The following CACNA2D3 variants were observed in gnomAD, a reference collection of about 807,000 sequenced individuals.
CACNA2D3 encodes voltage-dependent calcium channel subunit alpha-2/delta-3.
CACNA2D3 carries 60 observed loss-of-function variants against 160.6 expected under a neutral mutation model. That is an observed-to-expected ratio of 0.37 (90% CI 0.30 to 0.46). The LOEUF (loss-of-function observed/expected upper bound fraction) is 0.46, where lower values mean the gene tolerates loss of function less well. Among genes scored for constraint, CACNA2D3 ranks in the 20% least tolerant of loss-of-function variants. The pLI, the probability that CACNA2D3 is intolerant of heterozygous loss-of-function variation, is 1.00. For missense variants in CACNA2D3, 1,205 were observed against 1,365.0 expected, an observed-to-expected ratio of 0.88 and a Z score of 1.85; for synonymous variants, 558 against 492.9, an observed-to-expected ratio of 1.13 and a Z score of -1.75.
intron 2 of CACNA2D3, among the ~76,000 whole-genome samples, chr3:54,199,091 CTAA>C (rs1451336821): frequency 1.3e-5 from 2 of 152,210 alleles, no homozygotes; most frequent in African/African-American, 4.8e-5. Flanking sequence ...CCTCCTAAGG[CTAA>C]TGATTGTATG....
At chr3:54,666,843 G>A (rs1390379832) in intron 11 of CACNA2D3, among the ~76,000 whole-genome samples, 1 of 152,146 alleles carries the variant, frequency 6.6e-6, no homozygotes, top group Non-Finnish European at 1.5e-5. Context: ...TGTCAACCTC[G>A]CATGGTTGGA....
chr3:54,806,940 A>G (rs1188987020), intron 13 of CACNA2D3, among the ~76,000 whole-genome samples: 1 of 152,248 alleles, frequency 6.6e-6, no homozygotes, highest in Non-Finnish European at 1.5e-5. Flanking sequence ...CCTGAGAAAA[A>G]TAAGCAATGG....
intron 2 of CACNA2D3, among the ~76,000 whole-genome samples, chr3:54,249,133 G>T (rs183252971): frequency 2.6e-5 from 4 of 152,206 alleles, no homozygotes; most frequent in Admixed American, 6.5e-5. Flanking sequence ...TGTTGGATTT[G>T]GTTGTACACA....
intron 3 of CACNA2D3, among the ~76,000 whole-genome samples, chr3:54,363,548 G>A (rs1043837759): frequency 6.6e-6 from 1 of 152,194 alleles, no homozygotes; most frequent in Non-Finnish European, 1.5e-5. Flanking sequence ...GGCCAAGCCT[G>A]AAAGCACTCC....
chr3:54,655,077 A>G (rs1699854456), intron 11 of CACNA2D3, among the ~76,000 whole-genome samples: 1 of 152,170 alleles, frequency 6.6e-6, no homozygotes, highest in Admixed American at 6.5e-5. Flanking sequence ...TGGACATGTT[A>G]GCTTATTGGC....
chr3:54,752,380 AAAC>A (rs1701874632), intron 11 of CACNA2D3, among the ~76,000 whole-genome samples: 1 of 152,160 alleles, frequency 6.6e-6, no homozygotes, highest in African/African-American at 2.4e-5. Flanking sequence ...GCGCACCAAA[AAAC>A]AACCACCACC....
intron 2 of CACNA2D3, among the ~76,000 whole-genome samples, chr3:54,275,964 G>C (rs994778535): frequency 6.6e-6 from 1 of 152,164 alleles, no homozygotes; most frequent in African/African-American, 2.4e-5. Flanking sequence ...TAAAGTTGCA[G>C]GTTCTTTTAA....
intron 3 of CACNA2D3, among the ~76,000 whole-genome samples, chr3:54,349,750 CAG>C (rs1698520988): frequency 6.6e-6 from 1 of 152,176 alleles, no homozygotes; most frequent in African/African-American, 2.4e-5. Flanking sequence ...TTGGCTTTCT[CAG>C]GGGATGTAGT....
chr3:54,999,349 C>T (rs1702930846), intron 31 of CACNA2D3, among the ~76,000 whole-genome samples: 1 of 152,170 alleles, frequency 6.6e-6, no homozygotes, highest in Non-Finnish European at 1.5e-5. Flanking sequence ...TTAAGAATTT[C>T]CTATGTTCCT....
intron 2 of CACNA2D3, among the ~76,000 whole-genome samples, chr3:54,275,830 C>T (rs1702727247): frequency 6.6e-6 from 1 of 152,074 alleles, no homozygotes; most frequent in Admixed American, 6.5e-5. Context: ...ATTGGCCAGG[C>T]TGGTCTTGAA....
At chr3:54,369,984 CTAAT>C (rs1234169146) in intron 3 of CACNA2D3, among the ~76,000 whole-genome samples, 1 of 152,156 alleles carries the variant, frequency 6.6e-6, no homozygotes, top group African/African-American at 2.4e-5. Flanking sequence ...TATTTTCTGA[CTAAT>C]TAGCTTCATG....
At chr3:54,822,828 TTTCTTTTC>T (rs1211951379) in intron 14 of CACNA2D3, among the ~76,000 whole-genome samples, 12 of 85,048 alleles carry the variant, frequency 1.4e-4, no homozygotes, top group South Asian at 6.4e-4. Flanking sequence ...TCTTTCTTTC[TTTCTTTTC>T]TTTCTTTCTT....
intron 14 of CACNA2D3, among the ~76,000 whole-genome samples, chr3:54,825,675 C>T (rs1703733873): frequency 6.6e-6 from 1 of 152,138 alleles, no homozygotes; most frequent in Admixed American, 6.5e-5. Context: ...AAGAATTAAG[C>T]AACCCAGGAA....
chr3:54,416,871 G>A (rs1392736982), intron 4 of CACNA2D3, among the ~76,000 whole-genome samples: 1 of 152,092 alleles, frequency 6.6e-6, no homozygotes, highest in African/African-American at 2.4e-5. Flanking sequence ...ACAGATCTAT[G>A]CTTATAAAGA....
chr3:54,190,908 A>G (rs530619029), intron 2 of CACNA2D3, among the ~76,000 whole-genome samples: 4 of 152,054 alleles, frequency 2.6e-5, no homozygotes, highest in African/African-American at 9.7e-5. Context: ...CTGTTTTCTC[A>G]TCTGTAAAAT....
intron 4 of CACNA2D3, among the ~76,000 whole-genome samples, chr3:54,481,906 G>T (rs1320773697): frequency 2.6e-5 from 4 of 152,206 alleles, no homozygotes; most frequent in Non-Finnish European, 5.9e-5. Context: ...ATTAAGTGAT[G>T]TGAAAATATA....
intron 35 of CACNA2D3, among the ~76,000 whole-genome samples, chr3:55,062,682 G>T (rs1704544044): frequency 6.6e-6 from 1 of 152,122 alleles, no homozygotes; most frequent in Non-Finnish European, 1.5e-5. Context: ...TACGGCTTTT[G>T]ATTTGAGCTC....
intron 35 of CACNA2D3, among the ~76,000 whole-genome samples, chr3:55,043,985 A>G (rs958057306): frequency 1.3e-5 from 2 of 152,192 alleles, no homozygotes; most frequent in African/African-American, 4.8e-5. Context: ...TCTTTTCTCT[A>G]ATATAAAACC....
chr3:54,863,170 G>A (rs1331995018), intron 17 of CACNA2D3, among the ~76,000 whole-genome samples: 2 of 152,220 alleles, frequency 1.3e-5, no homozygotes, highest in African/African-American at 4.8e-5. Context: ...AGAACTCAGT[G>A]CAGCCCTGTC....
Sources: allele counts gnomAD v4.1 joint callset (sites outside exome capture counted in the v4.1 genomes callset), GRCh38; gene constraint gnomAD v4.1.1; transcripts MANE v1.5; gene names NCBI Gene and HGNC (gene_info 2026-07-23, HGNC 2026-07-21).